BMERB1: variants seen among roughly 807,000 people sequenced by gnomAD.
BMERB1 encodes bMERB domain-containing protein 1.
Under a neutral mutation model 23.6 loss-of-function variants are expected in BMERB1, and 12 were observed. That is an observed-to-expected ratio of 0.51 (90% CI 0.33 to 0.82). The LOEUF (loss-of-function observed/expected upper bound fraction) is 0.82. Among genes scored for constraint, BMERB1 ranks in the 40% least tolerant of loss-of-function variants. The pLI is 0.03. For missense variants in BMERB1, 247 were observed against 255.4 expected (o/e 0.97, Z 0.22); for synonymous variants, 122 against 96.6 (o/e 1.26, Z -1.54).
chr16:15,500,437 G>A (rs933743888), intron 1 of BMERB1, among the ~76,000 whole-genome samples: 2 of 152,182 alleles, frequency 1.3e-5, no homozygotes, highest in African/African-American at 2.4e-5. Context: ...GGTGGGACGA[G>A]AGGGTCCATC....
chr16:15,508,476 G>A (rs761297421), intron 1 of BMERB1, among the ~76,000 whole-genome samples: 11 of 152,056 alleles, frequency 7.2e-5, no homozygotes, highest in African/African-American at 2.4e-4. Flanking sequence ...ACAACATCAA[G>A]CATGGGGCTG....
At chr16:15,506,104 A>G (rs1182062062) in intron 1 of BMERB1, among the ~76,000 whole-genome samples, 2 of 152,056 alleles carry the variant, frequency 1.3e-5, no homozygotes, top group Admixed American at 6.6e-5. Flanking sequence ...ATTGCCCCTT[A>G]GAACTGATGT....
chr16:15,451,909 TA>T (rs1052437717), intron 1 of BMERB1, among the ~76,000 whole-genome samples: 3 of 151,812 alleles, frequency 2.0e-5, no homozygotes, highest in African/African-American at 7.3e-5. Flanking sequence ...CCACAGTAAG[TA>T]AACTTATTTA....
At chr16:15,493,899 T>A (rs1332850684) in intron 1 of BMERB1, among the ~76,000 whole-genome samples, 1 of 152,218 alleles carries the variant, frequency 6.6e-6, no homozygotes, top group Non-Finnish European at 1.5e-5. Flanking sequence ...CCCAATTTAT[T>A]TTCCTCTGGA....
chr16:15,443,908 T>G (rs896143105), intron 1 of BMERB1, among the ~76,000 whole-genome samples: 3 of 150,540 alleles, frequency 2.0e-5, no homozygotes, highest in Non-Finnish European at 3.0e-5. Context: ...CGAGACTCTG[T>G]CTCCAAAAAC....
At chr16:15,479,245 T>A (rs2051298691) in intron 1 of BMERB1, among the ~76,000 whole-genome samples, 1 of 152,202 alleles carries the variant, frequency 6.6e-6, no homozygotes, top group African/African-American at 2.4e-5. Context: ...ATGTGATTGG[T>A]CGTAATGTTA....
At chr16:15,576,948 T>A (rs1163870625) in intron 3 of BMERB1, among the ~76,000 whole-genome samples, 2 of 152,166 alleles carry the variant, frequency 1.3e-5, no homozygotes, top group African/African-American at 4.8e-5. Flanking sequence ...TGTGGCAGAC[T>A]GCACCAAATT....
intron 1 of BMERB1, among the ~76,000 whole-genome samples, chr16:15,486,014 G>T (rs904173002): frequency 1.3e-5 from 2 of 152,054 alleles, no homozygotes; most frequent in African/African-American, 4.8e-5. Context: ...GACTGAGGTG[G>T]GTGGATCACC....
intron 1 of BMERB1, among the ~76,000 whole-genome samples, chr16:15,475,253 T>A (rs2051265135): frequency 6.6e-6 from 1 of 152,090 alleles, no homozygotes; most frequent in Admixed American, 6.6e-5. Flanking sequence ...AGCTCCCCAA[T>A]GGGTCCCACT....
At chr16:15,571,538 T>A (rs1378409268) in intron 3 of BMERB1, among the ~76,000 whole-genome samples, 2 of 152,026 alleles carry the variant, frequency 1.3e-5, no homozygotes, top group Admixed American at 6.6e-5. Flanking sequence ...GTATTTTTAG[T>A]AGAGGTGGGG....
chr16:15,486,644 C>G (rs1046712295), intron 1 of BMERB1, among the ~76,000 whole-genome samples: 2 of 151,856 alleles, frequency 1.3e-5, no homozygotes, highest in Admixed American at 1.3e-4. Flanking sequence ...AGAAATACTT[C>G]TGAGGGAAAA....
chr16:15,500,536 G>C (rs763826078), intron 1 of BMERB1, among the ~76,000 whole-genome samples: 1 of 152,186 alleles, frequency 6.6e-6, no homozygotes, highest in Non-Finnish European at 1.5e-5. Context: ...TTTGAGGAAG[G>C]GGAAGGTATC....
At chr16:15,460,551 A>C (rs1406765284) in intron 1 of BMERB1, among the ~76,000 whole-genome samples, 1 of 152,124 alleles carries the variant, frequency 6.6e-6, no homozygotes, top group African/African-American at 2.4e-5. Flanking sequence ...AATTTTTTTA[A>C]TTCATTTGTG....
intron 2 of BMERB1, among the ~76,000 whole-genome samples, chr16:15,540,126 G>A (rs911309948): frequency 6.6e-6 from 1 of 152,094 alleles, no homozygotes; most frequent in Admixed American, 6.6e-5. Flanking sequence ...CAACTTGGAC[G>A]ACAGAGTGAG....
chr16:15,536,424 G>A (rs1338326416), intron 2 of BMERB1, among the ~76,000 whole-genome samples: 1 of 152,142 alleles, frequency 6.6e-6, no homozygotes, highest in East Asian at 1.9e-4. Context: ...ATCAGCTGTC[G>A]GTGACTTCTC....
intron 2 of BMERB1, among the ~76,000 whole-genome samples, chr16:15,547,892 C>T (rs1306309972): frequency 6.6e-6 from 1 of 152,172 alleles, no homozygotes; most frequent in Non-Finnish European, 1.5e-5. Flanking sequence ...AAGAGACAAC[C>T]ACGTAGTGCC....
At position 15,561,256 on chromosome 16, in the gene BMERB1, A is replaced by ATTTTT. The variant is rs35139646; in HGVS notation, c.231-6703_231-6699dup. Reference sequence around the variant, plus strand: ...ACAGGTGTGAGCCACCACGCCGGCCATTTTTTTTTTTTTTTTTTTTTTTTT... The same window carrying ATTTTT: ...ACAGGTGTGAGCCACCACGCCGGCCATTTTTTTTTTTTTTTTTTTTTTTTTTTTTT... On this transcript the variant is annotated intron_variant, in intron 2 of 5. Coordinates refer to ENST00000300006, the MANE Select transcript of BMERB1 (RefSeq NM_033201.3). Among the ~76,000 whole-genome samples, 45 of 42,240 alleles carry ATTTTT rather than the reference A, an allele frequency of 1.1e-3. 6 individuals carry two copies. The highest frequency in any genetic ancestry group is 1.9e-3 in the African/African-American group (18 of 9,358). 27.7% of individuals were successfully genotyped at this position (42,240 alleles called of 152,430 possible).
rs573509087 is a variant in BMERB1, at chr16:15,553,723, A to G, written c.231-14260A>G. Among the ~76,000 whole-genome samples, 214 of 152,340 alleles carry G rather than the reference A, an allele frequency of 1.4e-3. 1 individual carries two copies. The highest frequency in any genetic ancestry group is 2.3e-3 in the South Asian group (11 of 4,830). Reference sequence around the variant, plus strand: ...TATTCTTAGTTCGTGAGTTGTACCAAAACAGGCAGTGGGCCAGATTTTGAC... The same window carrying G: ...TATTCTTAGTTCGTGAGTTGTACCAGAACAGGCAGTGGGCCAGATTTTGAC... On this transcript the variant is annotated intron_variant, in intron 2 of 5. Coordinates refer to ENST00000300006, the MANE Select transcript of BMERB1 (RefSeq NM_033201.3).
chr16:15,494,769 T>C lies in BMERB1; in HGVS notation c.107-20536T>C, dbSNP rs921629288. 6.6e-5 allele frequency among the ~76,000 whole-genome samples: 10 copies of C among 152,306 alleles called. No individual in the cohort carries two copies. In the South Asian group the frequency reaches 1.0e-3, roughly 16 times the overall value. ...ACTGATTTGAAAGCAACAAAGAATT[T>C]GTTTATTACTACCTCTCCTTATTCC... On this transcript the variant is annotated intron_variant, in intron 1 of 5. Coordinates refer to ENST00000300006, the MANE Select transcript of BMERB1 (RefSeq NM_033201.3).
Sources: allele counts gnomAD v4.1 joint callset (sites outside exome capture counted in the v4.1 genomes callset), GRCh38; gene constraint gnomAD v4.1.1; transcripts MANE v1.5; gene names NCBI Gene and HGNC (gene_info 2026-07-23, HGNC 2026-07-21).